ADGRB3: variants seen among roughly 807,000 people sequenced by gnomAD.
ADGRB3 encodes adhesion G protein-coupled receptor B3.
Under a neutral mutation model 193.4 loss-of-function variants are expected in ADGRB3, and 37 were observed. The observed-to-expected ratio is 0.19, with a 90% CI of 0.15 to 0.25. The LOEUF (loss-of-function observed/expected upper bound fraction) is 0.25. Ranked by LOEUF, ADGRB3 falls within the 10% of genes least tolerant of loss-of-function variation. ADGRB3 has a pLI of 1.00. For missense variants in ADGRB3, 1,637 were observed against 1,852.9 expected, an observed-to-expected ratio of 0.88 and a Z score of 2.14; for synonymous variants, 690 against 644.2, an observed-to-expected ratio of 1.07 and a Z score of -1.08.
intron 16 of ADGRB3, among the ~76,000 whole-genome samples, chr6:69,066,437 G>A (rs1204692497): frequency 6.6e-6 from 1 of 151,404 alleles, no homozygotes; most frequent in African/African-American, 2.4e-5. Flanking sequence ...AACAGGAAAA[G>A]CCTGTTAACA....
chr6:68,897,462 GA>G (rs1766252561), intron 3 of ADGRB3, among the ~76,000 whole-genome samples: 4 of 70,812 alleles, frequency 5.6e-5, no homozygotes, highest in Non-Finnish European at 9.6e-5. Context: ...GGGAGGGAGG[GA>G]GGAAAGGGAG....
chr6:69,250,432 A>G (rs887927484), intron 20 of ADGRB3, among the ~76,000 whole-genome samples: 27 of 152,336 alleles, frequency 1.8e-4, no homozygotes, highest in African/African-American at 5.3e-4. Flanking sequence ...CTGTATGCCT[A>G]AGAACAGCAT....
chr6:69,367,932 A>G (rs1036497350), intron 29 of ADGRB3, among the ~76,000 whole-genome samples: 3 of 142,834 alleles, frequency 2.1e-5, no homozygotes, highest in Non-Finnish European at 4.5e-5. Flanking sequence ...ACTCATAGGT[A>G]GGAATTGAAC....
At chr6:69,017,665 G>A (rs556712601) in intron 12 of ADGRB3, among the ~76,000 whole-genome samples, 2 of 152,000 alleles carry the variant, frequency 1.3e-5, no homozygotes, top group African/African-American at 4.8e-5. Flanking sequence ...TAAGTAGGTA[G>A]ATGGATAGAT....
intron 20 of ADGRB3, among the ~76,000 whole-genome samples, chr6:69,307,110 T>A (rs1482949125): frequency 6.6e-6 from 1 of 151,342 alleles, no homozygotes; most frequent in Non-Finnish European, 1.5e-5. Context: ...GCTTTCTCAA[T>A]TATGCTTATA....
chr6:69,350,559 AT>A (rs1009599575), intron 26 of ADGRB3, among the ~76,000 whole-genome samples: 9 of 152,060 alleles, frequency 5.9e-5, no homozygotes, highest in Non-Finnish European at 1.3e-4. Flanking sequence ...GTATCAAGTA[AT>A]TTTTTTAATG....
At chr6:68,988,838 T>G (rs190012908) in intron 10 of ADGRB3, among the ~76,000 whole-genome samples, 167 of 152,192 alleles carry the variant, frequency 1.1e-3, no homozygotes, top group African/African-American at 3.9e-3. Flanking sequence ...CCCTATGCAT[T>G]CTCAGGCCTG....
At chr6:68,786,944 G>A (rs1766986196) in intron 3 of ADGRB3, among the ~76,000 whole-genome samples, 2 of 151,812 alleles carry the variant, frequency 1.3e-5, no homozygotes, top group African/African-American at 2.4e-5. Flanking sequence ...CTCATGATTT[G>A]GCTCTCTGTT....
chr6:69,263,961 C>G (rs1460007936), intron 20 of ADGRB3, among the ~76,000 whole-genome samples: 1 of 151,942 alleles, frequency 6.6e-6, no homozygotes, highest in Non-Finnish European at 1.5e-5. Flanking sequence ...ATTTAACATA[C>G]TCCTTCTACT....
chr6:68,921,460 C>T lies in ADGRB3; in HGVS notation c.758-9099C>T, dbSNP rs1011287803. On this transcript the variant is annotated intron_variant, in intron 3 of 31. Coordinates refer to ENST00000370598, the MANE Select transcript of ADGRB3 (RefSeq NM_001704.3). ...ATAGATTCAGATGAAGAAGAGTTAA[C>T]GTCTGCCCTGCCAACACTACGTGTA... 2.6e-5 allele frequency among the ~76,000 whole-genome samples: 4 copies of T among 152,256 alleles called. No individual in the cohort carries two copies. The East Asian group carries it at 7.7e-4, about 29-fold the overall frequency.
At chr6:68,786,963 A>G (rs1315214582) in intron 3 of ADGRB3, among the ~76,000 whole-genome samples, 1 of 151,990 alleles carries the variant, frequency 6.6e-6, no homozygotes, top group Non-Finnish European at 1.5e-5. Context: ...TTTGTCTGTT[A>G]TTGATGTATA....
intron 16 of ADGRB3, among the ~76,000 whole-genome samples, chr6:69,065,965 G>T (rs1253885028): frequency 6.6e-6 from 1 of 151,784 alleles, no homozygotes; most frequent in African/African-American, 2.4e-5. Context: ...CTGTATTATG[G>T]TATTAGGTCT....
At chr6:69,328,543 A>G (rs890445422) in intron 22 of ADGRB3, among the ~76,000 whole-genome samples, 6 of 152,276 alleles carry the variant, frequency 3.9e-5, no homozygotes, top group African/African-American at 1.4e-4. Context: ...GGAGGCAGTT[A>G]AGAAGTGGGG....
chr6:68,814,122 G>A (rs576061299), intron 3 of ADGRB3, among the ~76,000 whole-genome samples: 78 of 152,276 alleles, frequency 5.1e-4, no homozygotes, highest in African/African-American at 1.8e-3. Context: ...GATCCCTGAG[G>A]AATCGCCACA....
At chr6:68,897,585 G>GGAGA in intron 3 of ADGRB3, among the ~76,000 whole-genome samples, 1 of 69,644 alleles carries the variant, frequency 1.4e-5, no homozygotes, top group Non-Finnish European at 3.1e-5. Flanking sequence ...AAGAAGGAAG[G>GGAGA]GAGGGATAGG....
intron 3 of ADGRB3, among the ~76,000 whole-genome samples, chr6:68,716,514 ATT>A (rs758207785): frequency 4.2e-5 from 6 of 141,874 alleles, no homozygotes; most frequent in African/African-American, 1.5e-4. Context: ...ATCACAGCTC[ATT>A]TTTTTTTTTT....
chr6:68,647,976 T>C (rs183271820), intron 3 of ADGRB3, among the ~76,000 whole-genome samples: 45 of 152,260 alleles, frequency 3.0e-4, no homozygotes, highest in Admixed American at 5.2e-4. Context: ...TTAGCATCAA[T>C]TTGAGAATTC....
chr6:69,348,915 T>C (rs569032823), intron 26 of ADGRB3, among the ~76,000 whole-genome samples: 2 of 152,364 alleles, frequency 1.3e-5, no homozygotes, highest in East Asian at 1.9e-4. Context: ...ATAATTGTTT[T>C]GGTTTATTCC....
At chr6:68,928,617 A>G (rs540879802) in intron 3 of ADGRB3, among the ~76,000 whole-genome samples, 1 of 152,296 alleles carries the variant, frequency 6.6e-6, no homozygotes, top group East Asian at 1.9e-4. Context: ...TCAGCCTATT[A>G]TCATGCTGCC....
Sources: gnomAD v4.1 joint callset for allele counts (sites outside exome capture counted in the v4.1 genomes callset) on GRCh38, gnomAD v4.1.1 for gene constraint, MANE v1.5 for transcripts, NCBI Gene and HGNC (gene_info 2026-07-23, HGNC 2026-07-21) for gene names.